Variants in FTO observed in about 807,000 individuals in gnomAD.
FTO encodes FTO alpha-ketoglutarate dependent dioxygenase, also known as alpha-ketoglutarate-dependent dioxygenase FTO.
In FTO, 47 loss-of-function variants were observed where a neutral mutation model predicts 63.9. The observed-to-expected ratio is 0.74, with a 90% confidence interval of 0.58 to 0.94. The LOEUF (loss-of-function observed/expected upper bound fraction) is 0.94, where lower values mean the gene tolerates loss of function less well. Ranked by LOEUF, FTO falls within the 40% of genes least tolerant of loss-of-function variation. The pLI is 0.00. For synonymous variants in FTO, 207 were observed against 224.4 expected (o/e 0.92, Z 0.69); for missense variants, 562 against 618.1 (o/e 0.91, Z 0.96).
intron 7 of FTO, among the ~76,000 whole-genome samples, chr16:53,920,940 T>A (rs2081993940): frequency 6.6e-6 from 1 of 152,100 alleles, no homozygotes; most frequent in African/African-American, 2.4e-5. Flanking sequence ...GGCTTTGGTT[T>A]GGGTATTGCT....
chr16:53,717,133 G>C (rs1567923478), intron 1 of FTO, among the ~76,000 whole-genome samples: 1 of 151,634 alleles, frequency 6.6e-6, no homozygotes, highest in African/African-American at 2.4e-5. Context: ...CAAATCTTTG[G>C]AATGTTTCAT....
intron 3 of FTO, among the ~76,000 whole-genome samples, chr16:53,827,142 T>C (rs1349750657): frequency 1.3e-5 from 2 of 152,180 alleles, no homozygotes; most frequent in East Asian, 3.9e-4. Flanking sequence ...GTTGGGTGGC[T>C]GTGGTAGACT....
intron 1 of FTO, among the ~76,000 whole-genome samples, chr16:53,761,098 T>C (rs1457871865): frequency 6.6e-6 from 1 of 151,694 alleles, no homozygotes. Flanking sequence ...TCCTTTTCTT[T>C]CTTTTCTTTT....
At chr16:53,749,730 C>G (rs534039128) in intron 1 of FTO, among the ~76,000 whole-genome samples, 1 of 152,184 alleles carries the variant, frequency 6.6e-6, no homozygotes, top group African/African-American at 2.4e-5. Flanking sequence ...TGAGCCACTG[C>G]GCCCGGCCAA....
intron 8 of FTO, among the ~76,000 whole-genome samples, chr16:54,031,885 G>A (rs1414601257): frequency 2.0e-5 from 3 of 152,190 alleles, no homozygotes; most frequent in African/African-American, 4.8e-5. Context: ...GACATGGGCA[G>A]ACAGATGGAA....
intron 7 of FTO, among the ~76,000 whole-genome samples, chr16:53,892,672 G>A (rs1242479135): frequency 1.3e-5 from 2 of 151,866 alleles, no homozygotes; most frequent in Non-Finnish European, 2.9e-5. Flanking sequence ...AAATAACATC[G>A]ATCTCTTTTG....
chr16:53,728,017 G>T (rs2151503747), intron 1 of FTO, among the ~76,000 whole-genome samples: 1 of 151,908 alleles, frequency 6.6e-6, no homozygotes. Context: ...TGAGGTGGGA[G>T]GATTTGAGGC....
intron 4 of FTO, among the ~76,000 whole-genome samples, chr16:53,856,919 G>GCT (rs2080017281): frequency 6.6e-6 from 1 of 152,234 alleles, no homozygotes; most frequent in East Asian, 1.9e-4. Context: ...TGTTCACACT[G>GCT]CTCTCTCTAC....
chr16:53,790,624 A>G (rs2077889819), intron 1 of FTO, among the ~76,000 whole-genome samples: 1 of 150,298 alleles, frequency 6.7e-6, no homozygotes, highest in Non-Finnish European at 1.5e-5. Flanking sequence ...TAAGACAGTC[A>G]GGAAAGAAAA....
chr16:54,023,018 T>TC (rs1405130196), intron 8 of FTO, among the ~76,000 whole-genome samples: 1 of 152,228 alleles, frequency 6.6e-6, no homozygotes, highest in Admixed American at 6.5e-5. Context: ...GCATTACTAC[T>TC]TGTAATGAAA....
chr16:53,998,383 A>G (rs2083991549), intron 8 of FTO: 1 of 152,338 alleles, frequency 6.6e-6, no homozygotes, highest in East Asian at 1.9e-4. Flanking sequence ...AGATGGCACA[A>G]TTTTTACAGT....
chr16:53,930,605 A>AT (rs1567447887), intron 7 of FTO, among the ~76,000 whole-genome samples: 1 of 151,940 alleles, frequency 6.6e-6, no homozygotes, highest in Non-Finnish European at 1.5e-5. Flanking sequence ...TCATAGTATC[A>AT]TTTTTTCTTT....
At chr16:54,066,446 C>CTA (rs2085734898) in intron 8 of FTO, among the ~76,000 whole-genome samples, 1 of 152,222 alleles carries the variant, frequency 6.6e-6, no homozygotes, top group Non-Finnish European at 1.5e-5. Flanking sequence ...TCTGAAGTCT[C>CTA]TATATAGCTT....
chr16:53,792,075 C>CAA (rs10606857), intron 1 of FTO, among the ~76,000 whole-genome samples: 6 of 138,586 alleles, frequency 4.3e-5, no homozygotes, highest in East Asian at 4.2e-4. Flanking sequence ...GACTTCGTCT[C>CAA]AAAAAAAAAA....
In FTO at chr16:53,722,743, G is replaced by A. The variant is rs757456240; in HGVS notation, c.45+18514G>A. 2.0e-5 allele frequency among the ~76,000 whole-genome samples: 3 copies of A among 151,824 alleles called. No homozygotes were observed. In the South Asian group the frequency reaches 6.2e-4, roughly 32 times the overall value. On this transcript the variant is annotated intron_variant, in intron 1 of 8. Coordinates refer to ENST00000471389, the MANE Select transcript of FTO (RefSeq NM_001080432.3). ...CTCGGGAAGCTGAGGCGGGAGAATCGCTTGAACCCGGGAGGCGGAGGTTGT... is the reference window on the plus strand; with the variant it reads ...CTCGGGAAGCTGAGGCGGGAGAATCACTTGAACCCGGGAGGCGGAGGTTGT...
chr16:53,765,693 T>C (rs1048314033), intron 1 of FTO, among the ~76,000 whole-genome samples: 22 of 152,070 alleles, frequency 1.4e-4, no homozygotes, highest in Non-Finnish European at 1.6e-4. Context: ...TCACCTTTGA[T>C]GTGAACTCCA....
intron 8 of FTO, among the ~76,000 whole-genome samples, chr16:54,008,808 T>C (rs1339776215): frequency 1.6e-3 from 2 of 1,286 alleles, no homozygotes; most frequent in Non-Finnish European, 2.3e-3. Flanking sequence ...TCTCCACAAA[T>C]AATAATAATA....
At chr16:53,775,936 T>A (rs1253386441) in intron 1 of FTO, among the ~76,000 whole-genome samples, 2 of 152,138 alleles carry the variant, frequency 1.3e-5, no homozygotes, top group Non-Finnish European at 2.9e-5. Context: ...CTCCGCTCCT[T>A]TTTATGTCGA....
chr16:53,936,095 G>A (rs1314639949), intron 8 of FTO, among the ~76,000 whole-genome samples: 1 of 152,216 alleles, frequency 6.6e-6, no homozygotes, highest in Non-Finnish European at 1.5e-5. Flanking sequence ...AAAGTGGCCT[G>A]TTTAAAAGGA....
Sources: allele counts gnomAD v4.1 joint callset (sites outside exome capture counted in the v4.1 genomes callset), GRCh38; gene constraint gnomAD v4.1.1; transcripts MANE v1.5; gene names NCBI Gene and HGNC (gene_info 2026-07-23, HGNC 2026-07-21).